The following RPAP1 variants were observed in gnomAD, a reference collection of about 807,000 sequenced individuals.
The protein encoded by RPAP1 is RNA polymerase II associated protein 1.
Under a neutral mutation model 142.4 loss-of-function variants are expected in RPAP1, and 109 were observed. The observed-to-expected ratio is 0.77, with a 90% CI of 0.66 to 0.90. The LOEUF (loss-of-function observed/expected upper bound fraction) is 0.90. Among genes scored for constraint, RPAP1 ranks in the 40% least tolerant of loss-of-function variants. RPAP1 has a pLI of 0.00. For synonymous variants in RPAP1, 704 were observed against 738.9 expected, an observed-to-expected ratio of 0.95 and a Z score of 0.77; for missense variants, 1,546 against 1,751.7, an observed-to-expected ratio of 0.88 and a Z score of 2.10.
rs200318959 is a variant in RPAP1, at chr15:41,523,770, C to T, written c.2436+1G>A. On this transcript the variant is annotated splice_donor_variant, in intron 17 of 24. Transcript: ENST00000304330. LOFTEE classifies it high-confidence loss of function. ...GTGGACAGCCGGCAGGAGGCACTCA[C>T]TTGCTGGCTCCAGGCCTGGTAGTAG... 1 of 1,592,950 alleles carries T rather than the reference C, an allele frequency of 6.3e-7. No individual in the cohort carries two copies. Among genetic ancestry groups the T allele is most frequent in the East Asian group, 2.3e-5 (1 of 43,990 alleles).
At chr15:41,533,618 C>G (rs1404890934) in intron 6 of RPAP1, among the ~76,000 whole-genome samples, 1 of 151,886 alleles carries the variant, frequency 6.6e-6, no homozygotes, top group African/African-American at 2.4e-5. Context: ...CACCTGAGGT[C>G]AAGAGTTCGA....
rs373922714 is a variant in RPAP1 at position 41,520,397 on chromosome 15, C to T, written c.3789G>A (p.Leu1263=). 6.2e-7 allele frequency: 1 copy of T among 1,613,394 alleles called. No individual in the cohort carries two copies. Among genetic ancestry groups the T allele is most frequent in the African/African-American group, 1.3e-5 (1 of 74,910 alleles). ...VGALRALSLP[L]TQLPVSLECY... ...TGCTGGGCTGAGAAAGTACCTGGGT[C>T]AGAGGCAGGCTCAGAGCTCGCAAGG... The change falls in exon 22 of 25, where the codon CTG becomes CTA. Residue 1263 remains leucine (L), a synonymous_variant. Transcript: ENST00000304330.
At chr15:41,526,660 G>A (rs1355765462) in intron 14 of RPAP1, among the ~76,000 whole-genome samples, 1 of 152,210 alleles carries the variant, frequency 6.6e-6, no homozygotes, top group East Asian at 1.9e-4. Context: ...CTAGGGAACA[G>A]GGAGACCTCC....
rs2051745881 is a variant in RPAP1, at chr15:41,522,959, G to A, written c.2548C>T (p.His850Tyr). The A allele has an allele frequency of 6.5e-7, 1 of 1,527,728 alleles. No homozygotes were observed. Among genetic ancestry groups the A allele is most frequent in the Non-Finnish European group, 8.7e-7 (1 of 1,146,586 alleles). 94.6% of individuals were successfully genotyped at this position (1,527,728 alleles called of 1,614,324 possible). ...AGCGGGTTGCAGAGAAGGGAGCAGT[G>A]CCTGTAGGTGAAGTGGAGAGTCTGA... is the stretch of plus-strand genomic sequence containing the variant. The part of the protein sequence containing the change: ...TLGSLWDSLR[H>Y]CSLLCNPLSC... The change falls in exon 19 of 25, where the codon CAC becomes TAC. Residue 850 changes from histidine to tyrosine, a missense_variant and splice_region_variant. Physicochemically the swap from His to Tyr is moderately conservative, Grantham distance 83. This residue lies in a region of RPAP1 where 1,333 missense variants were observed against 1,486.6 expected (regional missense o/e 0.90). Coordinates refer to ENST00000304330, the MANE Select transcript of RPAP1 (RefSeq NM_015540.4).
chr15:41,520,978 G>C lies in RPAP1; in HGVS notation c.3208C>G (p.Leu1070Val), dbSNP rs2051720594. 1 of 1,608,892 alleles carries C rather than the reference G, an allele frequency of 6.2e-7. No individual in the cohort carries two copies. Among genetic ancestry groups the C allele is most frequent in the Non-Finnish European group, 8.5e-7 (1 of 1,177,424 alleles). The change falls in exon 22 of 25, where the codon CTG (leucine) becomes GTG (valine). Residue 1070 changes from leucine to valine, a missense_variant. By Grantham distance (32) the Leu-to-Val change is conservative (BLOSUM62 1). This residue lies in a region of RPAP1 where 1,333 missense variants were observed against 1,486.6 expected (regional missense o/e 0.90). Coordinates refer to ENST00000304330, the MANE Select transcript of RPAP1 (RefSeq NM_015540.4). ...CGGTGCAGAGCCTGGGAGGCCAGCA[G>C]ACTGGCTCGGGCTGGCGAGCAATGA... ...LTHCSPARAS[L>V]LASQALHRGE...
chr15:41,536,579 G>A lies in RPAP1; in HGVS notation c.252C>T (p.Cys84=). 1.9e-6 allele frequency: 3 copies of A among 1,614,164 alleles called. No homozygotes were observed. The highest frequency in any genetic ancestry group is 2.5e-6 in the Non-Finnish European group (3 of 1,180,020). Residue 84 remains cysteine, a synonymous_variant, in exon 3 of 25, where the codon TGC becomes TGT. Coordinates refer to ENST00000304330, the MANE Select transcript of RPAP1 (RefSeq NM_015540.4). ...PKRARPSPGH[C]LPEDEDPEER... is the part of the protein sequence containing the mutation. ...CTTCTGGGTCCTCATCCTCAGGCAG[G>A]CAGTGGCCAGGGCTGGGCCTGGCTC...
intron 23 of RPAP1, 69 bp downstream of exon 23, chr15:41,517,937 C>A (rs531284667): frequency 1.2e-6 from 2 of 1,612,614 alleles, no homozygotes; most frequent in South Asian, 2.2e-5. Flanking sequence ...TTACCTCTTC[C>A]CCAGCTGGCC....
In RPAP1 at chr15:41,520,888, C is replaced by T. The variant is rs754882833; in HGVS notation, c.3298G>A (p.Asp1100Asn). The change falls in exon 22 of 25, where the codon GAC (aspartate) becomes AAC (asparagine). Residue 1100 changes from aspartate to asparagine, a missense_variant. By Grantham distance (23) the Asp-to-Asn change is conservative. This residue lies in a region of RPAP1 where 1,333 missense variants were observed against 1,486.6 expected (regional missense o/e 0.90). Transcript: ENST00000304330. Reference protein sequence around the residue: ...PMPTEPLLPTDWPFLPLIRLY... With the variant: ...PMPTEPLLPTNWPFLPLIRLY... The stretch of plus-strand genomic sequence containing the variant: ...CGAATCAGTGGCAGGAAGGGCCAGT[C>T]GGTGGGCAGCAGCGGCTCCGTAGGC... 140 of 1,613,366 alleles carry T rather than the reference C, an allele frequency of 8.7e-5. 2 individuals carry two copies. The East Asian group carries it at 1.4e-3, about 16-fold the overall frequency.
chr15:41,522,609 C>CG (rs1403340446), intron 19 of RPAP1, 156 bp downstream of exon 19: 9 of 636,774 alleles, frequency 1.4e-5, no homozygotes, highest in Non-Finnish European at 2.1e-5. Context: ...AGGCTGGTCT[C>CG]GAACTCCCGA....
intron 15 of RPAP1, 74 bp from the exon 16 acceptor site, chr15:41,524,328 C>T: frequency 1.5e-6 from 2 of 1,331,108 alleles, no homozygotes; most frequent in Non-Finnish European, 2.0e-6. Flanking sequence ...ATGGCCCTGA[C>T]CCAGGGATCT....
At chr15:41,520,197 G>A in intron 22 of RPAP1, 194 bp downstream of exon 22, 3 of 634,924 alleles carry the variant, frequency 4.7e-6, no homozygotes, top group South Asian at 1.9e-5. Context: ...GCTTCCCAGA[G>A]TGATGGAATT....
At chr15:41,537,757 C>T (rs8037394) in intron 1 of RPAP1, among the ~76,000 whole-genome samples, 21,910 of 151,770 alleles carry the variant, frequency 0.14, 2,856 homozygotes, top group African/African-American at 0.35. Context: ...GTGGTGGGCG[C>T]CTGTAATCCC....
At position 41,520,433 on chromosome 15, in the gene RPAP1, T is replaced by C; in HGVS notation, c.3753A>G (p.Glu1251=). 1.9e-6 allele frequency: 3 copies of C among 1,613,616 alleles called. No individual in the cohort carries two copies. The highest frequency in any genetic ancestry group is 1.7e-6 in the Non-Finnish European group (2 of 1,179,712). Residue 1251 remains glutamate, a synonymous_variant, in exon 22 of 25, where the codon GAA becomes GAG. Transcript: ENST00000304330. ...SVTLRLALFG[E]HVGALRALSL... is the part of the protein sequence containing the mutation. ...TCAGAGCTCGCAAGGCTCCCACGTG[T>C]TCCCCAAAGAGGGCAAGGCGCAAGG...
Position 41,534,722 on chromosome 15 carries a change from G to A in RPAP1, c.755C>T (p.Ala252Val). 1 of 1,613,308 alleles carries A rather than the reference G, an allele frequency of 6.2e-7. No homozygotes were observed. Among genetic ancestry groups the A allele is most frequent in the East Asian group, 2.2e-5 (1 of 44,894 alleles). The change falls in exon 6 of 25, where the codon GCC (alanine) becomes GTC (valine). Residue 252 changes from alanine to valine, a missense_variant. Physicochemically the swap from Ala to Val is moderately conservative, Grantham distance 64 (BLOSUM62 0). This residue lies in a region of RPAP1 where 1,333 missense variants were observed against 1,486.6 expected (regional missense o/e 0.90). Coordinates refer to ENST00000304330, the MANE Select transcript of RPAP1 (RefSeq NM_015540.4). ...AAGCCAGGCACCCATACCAAGCTGG[G>A]CCAGCAACCGCTGCTGTTCCTGCAG... ...EILQEQQRLL[A>V]QLDPSLVAFL...
chr15:41,518,859 A>G (rs114068447), intron 22 of RPAP1, among the ~76,000 whole-genome samples: 2,286 of 152,250 alleles, frequency 0.015, 60 homozygotes, highest in African/African-American at 0.052. Flanking sequence ...AACAAAAACA[A>G]AAACCCAAAA....
chr15:41,517,439 C>G lies in RPAP1; in HGVS notation c.*103G>C. On this transcript the variant is annotated 3_prime_UTR_variant, in exon 25 of 25. Transcript: ENST00000304330. ...GAAGGCAAGCCTTCTGCTCCTTGGT[C>G]TCCTGCCTACCATTAGGACACAATG... is the stretch of plus-strand genomic sequence containing the variant. 8.7e-7 allele frequency: 1 copy of G among 1,151,048 alleles called. No homozygotes were observed. The highest frequency in any genetic ancestry group is 1.2e-6 in the Non-Finnish European group (1 of 818,894). 71.3% of individuals were successfully genotyped at this position (1,151,048 alleles called of 1,614,324 possible).
chr15:41,527,817 C>T, intron 11 of RPAP1, 43 bp downstream of exon 11: 1 of 1,609,328 alleles, frequency 6.2e-7, no homozygotes, highest in Non-Finnish European at 8.5e-7. Context: ...AATATGGACC[C>T]TGGCACCTCC....
Position 41,518,025 on chromosome 15 carries a change from G to A in RPAP1, c.3953C>T (p.Ser1318Phe), listed in dbSNP as rs1029903522. The change falls in exon 23 of 25, where the codon TCT becomes TTT. Residue 1318 changes from serine to phenylalanine, a missense_variant. Ser to Phe is a radical substitution (Grantham distance 155). Coordinates refer to ENST00000304330, the MANE Select transcript of RPAP1 (RefSeq NM_015540.4). ...AVAHVNSFIF[S>F]QDPQSSDEVK... is the part of the protein sequence containing the mutation. ...ACTTACTGAGCTCTGTGGGTCCTGA[G>A]AGAAGATGAAGCTATTGACATGAGC... The A allele has an allele frequency of 6.2e-7, 1 of 1,614,110 alleles. No homozygotes were observed. The highest frequency in any genetic ancestry group is 8.5e-7 in the Non-Finnish European group (1 of 1,179,994).
chr15:41,539,284 TTTTTTTGTTTTTTG>T (rs564506841), intron 1 of RPAP1, among the ~76,000 whole-genome samples: 4 of 151,786 alleles, frequency 2.6e-5, no homozygotes, highest in East Asian at 1.9e-4. Context: ...TTTTTGTTTT[TTTTTTTGTTTTTTG>T]TTTTTTGTTT....
Sources: gnomAD v4.1 joint callset for allele counts (sites outside exome capture counted in the v4.1 genomes callset) on GRCh38, gnomAD v4.1.1 for gene constraint, gnomAD v4.1.1 regional missense constraint, MANE v1.5 for transcripts, NCBI Gene and HGNC (gene_info 2026-07-23, HGNC 2026-07-21) for gene names.